MYT1L: variants seen among roughly 807,000 people sequenced by gnomAD.
The protein encoded by MYT1L is myelin transcription factor 1-like protein.
MYT1L carries 12 observed loss-of-function variants against 126.7 expected under a neutral mutation model. The ratio of observed to expected loss-of-function variants is 0.09; its 90% CI spans 0.06 to 0.15. The LOEUF (loss-of-function observed/expected upper bound fraction) is 0.15. Ranked by LOEUF, MYT1L falls within the 10% of genes least tolerant of loss-of-function variation. The probability of loss-of-function intolerance (pLI) is 1.00; values close to 1 mark genes in which losing one functional copy is unlikely to be tolerated. For synonymous variants in MYT1L, 541 were observed against 604.2 expected, an observed-to-expected ratio of 0.90 and a Z score of 1.53; for missense variants, 979 against 1,585.2, an observed-to-expected ratio of 0.62 and a Z score of 6.49.
At chr2:2,163,465 C>G (rs1048199543) in intron 3 of MYT1L, among the ~76,000 whole-genome samples, 1 of 152,066 alleles carries the variant, frequency 6.6e-6, no homozygotes, top group Admixed American at 6.5e-5. Flanking sequence ...GTGGCTCACA[C>G]CTGTAATCCC....
chr2:1,890,288 G>A (rs2048691661), intron 15 of MYT1L, among the ~76,000 whole-genome samples: 1 of 152,058 alleles, frequency 6.6e-6, no homozygotes, highest in African/African-American at 2.4e-5. Context: ...GGCCAGGCTG[G>A]TCTCAAACTC....
At chr2:1,886,683 C>A in intron 17 of MYT1L, 76 bp from the exon 18 acceptor site, 2 of 1,051,136 alleles carry the variant, frequency 1.9e-6, no homozygotes, top group South Asian at 2.4e-5. Context: ...ACATAAAAAC[C>A]GAAATTAAAG....
chr2:2,008,052 G>GT (rs542153721), intron 4 of MYT1L, among the ~76,000 whole-genome samples: 5 of 152,250 alleles, frequency 3.3e-5, no homozygotes, highest in African/African-American at 4.8e-5. Context: ...ATCTTCTCAG[G>GT]TTTTTTGCAT....
intron 1 of MYT1L, among the ~76,000 whole-genome samples, chr2:2,296,043 G>A (rs1573300702): frequency 6.6e-6 from 1 of 152,256 alleles, no homozygotes; most frequent in South Asian, 2.1e-4. Context: ...CAAGAGCGGA[G>A]TTACATTTTA....
chr2:2,156,635 G>T (rs1378807779), intron 3 of MYT1L, among the ~76,000 whole-genome samples: 1 of 152,226 alleles, frequency 6.6e-6, no homozygotes, highest in African/African-American at 2.4e-5. Flanking sequence ...GACGAAGGCT[G>T]GCTTTCTGCT....
At chr2:2,273,231 C>A (rs1400280328) in intron 2 of MYT1L, among the ~76,000 whole-genome samples, 2 of 152,100 alleles carry the variant, frequency 1.3e-5, no homozygotes, top group Non-Finnish European at 2.9e-5. Flanking sequence ...CCTGGTCCTG[C>A]CTTCAGCCAT....
chr2:2,067,159 T>C (rs1223280796), intron 3 of MYT1L, among the ~76,000 whole-genome samples: 1 of 151,932 alleles, frequency 6.6e-6, no homozygotes, highest in Admixed American at 6.6e-5. Flanking sequence ...GAAAGGGGGG[T>C]AGTTCTACCT....
rs1558610265 is a variant in MYT1L at position 1,806,588 on chromosome 2, T to G, written c.3172+2488A>C. On this transcript the variant is annotated intron_variant, in intron 22 of 24. Transcript: ENST00000647738. The surrounding 1 kb of genome is among the most constrained non-coding windows in gnomAD (Gnocchi z 4.9). ...CGAGTTAGCACCTGTTTTTGTGAAT[T>G]AACTCCTTGTGTGCAGCAGTAATAG... Among the ~76,000 whole-genome samples, 1 of 152,170 alleles carries G rather than the reference T, an allele frequency of 6.6e-6. No individual in the cohort carries two copies.
intron 8 of MYT1L, among the ~76,000 whole-genome samples, chr2:1,958,285 G>A (rs1042314834): frequency 4.2e-4 from 64 of 151,934 alleles, no homozygotes; most frequent in African/African-American, 1.3e-3. Flanking sequence ...CAGAGAGCCG[G>A]AGGATGAGGA....
In MYT1L at chr2:1,943,189, C is replaced by G; in HGVS notation, c.298G>C (p.Asp100His). 6.4e-7 allele frequency: 1 copy of G among 1,551,846 alleles called. No homozygotes were observed. Among genetic ancestry groups the G allele is most frequent in the South Asian group, 1.2e-5 (1 of 84,036 alleles). ...TCCCCCTCATCCTCCTCCTTCTCATCCATGTCCTCAGTCCCATCACTGTCG... is the reference window on the plus strand; with the variant it reads ...TCCCCCTCATCCTCCTCCTTCTCATGCATGTCCTCAGTCCCATCACTGTCG... ...CDDSDGTEDM[D>H]EKEEDEGEEY... is the part of the protein sequence containing the mutation. Residue 100 changes from aspartate to histidine, a missense_variant, in exon 9 of 25, where the codon GAT becomes CAT. Asp to His is a moderately conservative substitution (Grantham distance 81, BLOSUM62 -1). Transcript: ENST00000647738. This position sits in a 1 kb window ranked among gnomAD's most constrained non-coding sequence, Gnocchi z 4.4.
chr2:2,188,223 T>C (rs2092345406), intron 2 of MYT1L, among the ~76,000 whole-genome samples: 1 of 152,252 alleles, frequency 6.6e-6, no homozygotes, highest in South Asian at 2.1e-4. Flanking sequence ...TTACTCAGTA[T>C]TACCGAAAGT....
At chr2:2,211,666 G>T (rs527301114) in intron 2 of MYT1L, among the ~76,000 whole-genome samples, 1 of 151,826 alleles carries the variant, frequency 6.6e-6, no homozygotes, top group Admixed American at 6.6e-5. Flanking sequence ...TTAGCTGGGC[G>T]TGGTGGCGGG....
At chr2:2,309,224 T>C (rs2095912222) in intron 1 of MYT1L, among the ~76,000 whole-genome samples, 1 of 151,790 alleles carries the variant, frequency 6.6e-6, no homozygotes, top group Non-Finnish European at 1.5e-5. Context: ...TGCACTTCAG[T>C]ACATTCTATG....
chr2:2,138,833 T>G (rs901990135), intron 3 of MYT1L, among the ~76,000 whole-genome samples: 7 of 147,730 alleles, frequency 4.7e-5, no homozygotes, highest in Non-Finnish European at 9.0e-5. Context: ...ACCCTAAAAC[T>G]TAAAGTATAA....
At chr2:1,878,141 T>C (rs748494110) in intron 18 of MYT1L, among the ~76,000 whole-genome samples, 6 of 152,262 alleles carry the variant, frequency 3.9e-5, no homozygotes, top group Non-Finnish European at 7.3e-5. Flanking sequence ...TTTTTCACAA[T>C]AGTGTAACTG....
At chr2:1,959,382 G>A (rs149246856) in intron 8 of MYT1L, among the ~76,000 whole-genome samples, 1 of 152,292 alleles carries the variant, frequency 6.6e-6, no homozygotes, top group East Asian at 1.9e-4. Flanking sequence ...AGACCGTCTG[G>A]ATGTGAAAGT....
chr2:2,180,035 C>G (rs568600210), intron 2 of MYT1L, among the ~76,000 whole-genome samples: 1 of 152,302 alleles, frequency 6.6e-6, no homozygotes, highest in South Asian at 2.1e-4. Flanking sequence ...ACACAGCCAG[C>G]CAGTGATTCC....
intron 3 of MYT1L, 133 bp downstream of exon 3, chr2:2,172,739 G>A: frequency 6.6e-6 from 1 of 151,476 alleles, no homozygotes. Context: ...GCCCCTTGCT[G>A]GGCAGGGATA....
intron 8 of MYT1L, among the ~76,000 whole-genome samples, chr2:1,962,114 C>T (rs2059006390): frequency 6.6e-6 from 1 of 152,102 alleles, no homozygotes; most frequent in African/African-American, 2.4e-5. Context: ...ATTGCATTGT[C>T]CATCATTCCT....
Sources: allele counts gnomAD v4.1 joint callset (sites outside exome capture counted in the v4.1 genomes callset), GRCh38; gene constraint gnomAD v4.1.1; non-coding constraint Gnocchi (gnomAD v3.1); transcripts MANE v1.5; gene names NCBI Gene and HGNC (gene_info 2026-07-23, HGNC 2026-07-21).